Variants in TACR1 observed in about 807,000 individuals in gnomAD.
The protein encoded by TACR1 is substance-P receptor.
TACR1 carries 25 observed loss-of-function variants against 35.8 expected under a neutral mutation model. The ratio of observed to expected loss-of-function variants is 0.70; its 90% CI spans 0.51 to 0.98. The LOEUF is 0.98. Ranked by LOEUF, TACR1 falls within the 50% of genes least tolerant of loss-of-function variation. TACR1 has a pLI of 0.00. For synonymous variants in TACR1, 195 were observed against 206.7 expected, an observed-to-expected ratio of 0.94 and a Z score of 0.48; for missense variants, 478 against 522.9, an observed-to-expected ratio of 0.91 and a Z score of 0.84.
chr2:75,109,718 T>G (rs60347975), intron 2 of TACR1, among the ~76,000 whole-genome samples: 1 of 152,140 alleles, frequency 6.6e-6, no homozygotes, highest in African/African-American at 2.4e-5. Context: ...TGCTTTCAAA[T>G]AAAAACAGGA....
chr2:75,079,184 A>G (rs547431005), intron 2 of TACR1, among the ~76,000 whole-genome samples: 2 of 151,978 alleles, frequency 1.3e-5, no homozygotes, highest in Non-Finnish European at 2.9e-5. Flanking sequence ...CTCTGGAGCA[A>G]CCCAAAGTAA....
chr2:75,116,061 C>T (rs987130017), intron 2 of TACR1, among the ~76,000 whole-genome samples: 3 of 152,036 alleles, frequency 2.0e-5, no homozygotes, highest in Non-Finnish European at 4.4e-5. Flanking sequence ...TTTGTGTTGA[C>T]TTGTACTTAT....
At chr2:75,116,443 G>A (rs1230543167) in intron 2 of TACR1, among the ~76,000 whole-genome samples, 1 of 152,118 alleles carries the variant, frequency 6.6e-6, no homozygotes, top group Non-Finnish European at 1.5e-5. Flanking sequence ...TACTGATGAT[G>A]GATATTTGAA....
Position 75,048,019 on chromosome 2 carries a change from A to C in TACR1, c.*1413T>G, listed in dbSNP as rs1672394898. On this transcript the variant is annotated 3_prime_UTR_variant, in exon 5 of 5. Transcript: ENST00000305249. ...TGCATGCTCACCTTCTGGAAACTCTAAATCTAAATTAGGATATAAAGCATT... is the reference window on the plus strand; with the variant it reads ...TGCATGCTCACCTTCTGGAAACTCTCAATCTAAATTAGGATATAAAGCATT... The C allele has an allele frequency of 6.6e-6, 1 of 152,246 alleles. No homozygotes were observed. Among genetic ancestry groups the C allele is most frequent in the South Asian group, 2.1e-4 (1 of 4,820 alleles). The allele number at this position is 152,246 out of a possible 1,614,324, so 9.4% of individuals were successfully genotyped here.
intron 1 of TACR1, chr2:75,187,415 G>C (rs541784923): frequency 6.6e-6 from 1 of 152,194 alleles, no homozygotes; most frequent in East Asian, 1.9e-4. Flanking sequence ...GTATACCTGG[G>C]ACTATTTTTT....
intron 1 of TACR1, among the ~76,000 whole-genome samples, chr2:75,165,853 C>T (rs3686): frequency 0.095 from 14,483 of 152,192 alleles, 928 homozygotes; most frequent in African/African-American, 0.16. Context: ...TACTCCCCAG[C>T]TCATGTTTCT....
rs1238298431 is a variant in TACR1 at position 75,090,849 on chromosome 2, T to A, written c.584+29725A>T. ...GTGTGTGGTCCCAGTTCAGAAGTGT[T>A]CCTGAGTAACTTGTGCTTATAACTC... is the stretch of plus-strand genomic sequence containing the variant. On this transcript the variant is annotated intron_variant, in intron 2 of 4. Transcript: ENST00000305249. The A allele has an allele frequency of 1.9e-5, 3 of 153,886 alleles. No individual in the cohort carries two copies. In the Admixed American group the frequency reaches 2.0e-4, roughly 10 times the overall value. 9.5% of individuals were successfully genotyped at this position (153,886 alleles called of 1,614,324 possible).
At chr2:75,176,231 G>C (rs1325256400) in intron 1 of TACR1, among the ~76,000 whole-genome samples, 5 of 151,496 alleles carry the variant, frequency 3.3e-5, no homozygotes, top group African/African-American at 1.2e-4. Context: ...AATACAGTTA[G>C]GACATTATAT....
chr2:75,136,769 T>C (rs897399471), intron 1 of TACR1, among the ~76,000 whole-genome samples: 5 of 152,172 alleles, frequency 3.3e-5, no homozygotes, highest in African/African-American at 9.7e-5. Flanking sequence ...ATGTGAGGCA[T>C]TGTTAGGAGT....
At chr2:75,056,536 G>A (rs896720352) in intron 2 of TACR1, among the ~76,000 whole-genome samples, 2 of 152,182 alleles carry the variant, frequency 1.3e-5, no homozygotes, top group Admixed American at 6.5e-5. Flanking sequence ...TTCCTGTGTG[G>A]CTTGGCTTGG....
chr2:75,099,660 G>A (rs1673494641), intron 2 of TACR1, among the ~76,000 whole-genome samples: 1 of 152,180 alleles, frequency 6.6e-6, no homozygotes. Flanking sequence ...TGATGTCACT[G>A]TAGATTCTCA....
chr2:75,084,171 T>C (rs1201165103), intron 2 of TACR1, among the ~76,000 whole-genome samples: 1 of 152,258 alleles, frequency 6.6e-6, no homozygotes, highest in East Asian at 1.9e-4. Flanking sequence ...CTTTTCTGCA[T>C]CTATTGAGAT....
chr2:75,143,074 G>A (rs1215082231), intron 1 of TACR1, among the ~76,000 whole-genome samples: 1 of 152,046 alleles, frequency 6.6e-6, no homozygotes, highest in Non-Finnish European at 1.5e-5. Context: ...TAGGTGCATG[G>A]GGTGCTAACA....
chr2:75,158,471 A>G (rs1674919033), intron 1 of TACR1, among the ~76,000 whole-genome samples: 1 of 152,230 alleles, frequency 6.6e-6, no homozygotes. Flanking sequence ...TAAACAGCAA[A>G]AATTAAAATG....
intron 3 of TACR1, 36 bp from the exon 4 acceptor site, chr2:75,051,483 C>T (rs375806387): frequency 5.0e-6 from 8 of 1,611,102 alleles, no homozygotes; most frequent in South Asian, 2.2e-5. Flanking sequence ...ACCACCAGCA[C>T]ATCCCCCTCT....
intron 3 of TACR1, among the ~76,000 whole-genome samples, chr2:75,052,012 G>A (rs1672479285): frequency 6.6e-6 from 1 of 152,196 alleles, no homozygotes; most frequent in Admixed American, 6.5e-5. Flanking sequence ...GAAGGAGAAG[G>A]GAAAAGATTT....
At chr2:75,052,758 T>C (rs1672492620) in intron 3 of TACR1, among the ~76,000 whole-genome samples, 1 of 151,562 alleles carries the variant, frequency 6.6e-6, no homozygotes, top group Non-Finnish European at 1.5e-5. Context: ...TATGCATATC[T>C]GTGTGTGTGT....
chr2:75,152,624 C>T (rs1355406322), intron 1 of TACR1, among the ~76,000 whole-genome samples: 1 of 152,174 alleles, frequency 6.6e-6, no homozygotes, highest in East Asian at 1.9e-4. Flanking sequence ...GTTAAAGTGT[C>T]AGATGTCTGA....
chr2:75,094,859 ATTT>A (rs58283121), intron 2 of TACR1, among the ~76,000 whole-genome samples: 4,224 of 113,080 alleles, frequency 0.037, 413 homozygotes, highest in African/African-American at 0.18. Context: ...ATATATATAT[ATTT>A]TTTTTTTTTT....
Sources: allele counts gnomAD v4.1 joint callset (sites outside exome capture counted in the v4.1 genomes callset), GRCh38; gene constraint gnomAD v4.1.1; transcripts MANE v1.5; gene names NCBI Gene and HGNC (gene_info 2026-07-23, HGNC 2026-07-21).